Variants in LFNG observed in about 807,000 individuals in gnomAD.
LFNG encodes the protein LFNG O-fucosylpeptide 3-beta-N-acetylglucosaminyltransferase.
In LFNG, 15 loss-of-function variants were observed where a neutral mutation model predicts 32.7. That is an observed-to-expected ratio of 0.46 (90% CI 0.31 to 0.71). The LOEUF is 0.71. Among genes scored for constraint, LFNG ranks in the 30% least tolerant of loss-of-function variants. The pLI is 0.06. For synonymous variants in LFNG, 274 were observed against 246.8 expected (o/e 1.11, Z -1.03); for missense variants, 520 against 545.7 (o/e 0.95, Z 0.47).
upstream of LFNG, chr7:2,518,620 G>A (rs747276360): frequency 2.4e-5 from 38 of 1,609,398 alleles, no homozygotes; most frequent in Non-Finnish European, 3.1e-5. Flanking sequence ...GGCTCCAAGG[G>A]CACTTAAAGA....
Position 2,526,157 on chromosome 7 carries a change from G to A in LFNG, c.822-87G>A. On this transcript the variant is annotated intron_variant, in intron 5 of 7. Transcript: ENST00000222725. This position sits in a 1 kb window ranked among gnomAD's most constrained non-coding sequence, Gnocchi z 6.9. Reference sequence around the variant, plus strand: ...CTCAGGGCTCCTCTCCCTGAGGAGTGCAGCGCCTTTGCCTGGTGGGGCCTC... The same window carrying A: ...CTCAGGGCTCCTCTCCCTGAGGAGTACAGCGCCTTTGCCTGGTGGGGCCTC... 6.9e-7 allele frequency: 1 copy of A among 1,451,492 alleles called. No individual in the cohort carries two copies. The highest frequency in any genetic ancestry group is 2.3e-5 in the East Asian group (1 of 43,938). The allele number at this position is 1,451,492 out of a possible 1,614,324, so 89.9% of individuals were successfully genotyped here.
In LFNG at chr7:2,527,391, T is replaced by A. The variant is rs1780025734; in HGVS notation, c.*179T>A. 6.7e-7 allele frequency: 1 copy of A among 1,487,128 alleles called. No individual in the cohort carries two copies. Among genetic ancestry groups the A allele is most frequent in the Non-Finnish European group, 8.9e-7 (1 of 1,119,642 alleles). The allele number at this position is 1,487,128 out of a possible 1,614,324, so 92.1% of individuals were successfully genotyped here. On this transcript the variant is annotated 3_prime_UTR_variant, in exon 8 of 8. Coordinates refer to ENST00000222725, the MANE Select transcript of LFNG (RefSeq NM_001040167.2). This position sits in a 1 kb window ranked among gnomAD's most constrained non-coding sequence, Gnocchi z 4.4. ...CCCGGGTAGCAGGCTGCTGGGCAGT[T>A]CTGCTCTGTGGAGGGGCGGGCACCA... is the stretch of plus-strand genomic sequence containing the variant.
At chr7:2,525,998 C>T (rs567671275) in intron 5 of LFNG, among the ~76,000 whole-genome samples, 1 of 151,960 alleles carries the variant, frequency 6.6e-6, no homozygotes, top group East Asian at 2.0e-4. Flanking sequence ...ATGAGCACCC[C>T]AGGCACCATC....
At chr7:2,524,797 C>T (rs1048305274) in intron 2 of LFNG, 54 bp downstream of exon 2, 110 of 1,479,384 alleles carry the variant, frequency 7.4e-5, no homozygotes, top group Middle Eastern at 5.3e-4. Context: ...CAGAGCCGAA[C>T]GCTCCCCCTC....
chr7:2,513,213 T>G, upstream of LFNG: 1 of 1,612,916 alleles, frequency 6.2e-7, no homozygotes, highest in Non-Finnish European at 8.5e-7. Flanking sequence ...GATGAGCACA[T>G]GAAATGGATG....
Position 2,526,258 on chromosome 7 carries a change from T to C in LFNG, c.836T>C (p.Met279Thr). The C allele has an allele frequency of 1.2e-6, 2 of 1,613,022 alleles. No homozygotes were observed. The highest frequency in any genetic ancestry group is 1.7e-6 in the Non-Finnish European group (2 of 1,179,954). Residue 279 changes from methionine (M) to threonine (T), a missense_variant, in exon 6 of 8, where the codon ATG becomes ACG. By Grantham distance (81) the Met-to-Thr change is moderately conservative (BLOSUM62 -1). This residue lies in a region of LFNG where 150 missense variants were observed against 159.9 expected (regional missense o/e 0.94). Transcript: ENST00000222725. This position sits in a 1 kb window ranked among gnomAD's most constrained non-coding sequence, Gnocchi z 6.9. ...MSPWASGGHF[M>T]NTAERIRLPD... ...CCCTCCCGCAGCGGGGGTCACTTCA[T>C]GAATACGGCTGAGCGGATCCGGCTG...
chr7:2,525,824 G>A (rs1779953093), intron 5 of LFNG, 54 bp downstream of exon 5: 2 of 1,497,578 alleles, frequency 1.3e-6, no homozygotes, highest in Non-Finnish European at 1.8e-6. Flanking sequence ...TCGCCACTGT[G>A]GGGCCTGGCT....
chr7:2,518,567 G>T (rs753832525), upstream of LFNG: 22 of 1,522,480 alleles, frequency 1.4e-5, no homozygotes, highest in South Asian at 2.5e-4. Flanking sequence ...ACACCAGGTC[G>T]CTGCTGTCTT....
chr7:2,522,965 G>A (rs778040782), intron 1 of LFNG, among the ~76,000 whole-genome samples: 2 of 152,114 alleles, frequency 1.3e-5, no homozygotes, highest in African/African-American at 2.4e-5. Flanking sequence ...CTCAGGTGTC[G>A]GGAGACAGTT....
chr7:2,522,962 G>A (rs1779834868), intron 1 of LFNG, among the ~76,000 whole-genome samples: 1 of 152,148 alleles, frequency 6.6e-6, no homozygotes, highest in Non-Finnish European at 1.5e-5. Flanking sequence ...TGGCTCAGGT[G>A]TCGGGAGACA....
At position 2,520,041 on chromosome 7, in the gene LFNG, G is replaced by T; in HGVS notation, c.180G>T (p.Ala60=). 1 of 1,073,404 alleles carries T rather than the reference G, an allele frequency of 9.3e-7. No homozygotes were observed. 66.5% of individuals were successfully genotyped at this position (1,073,404 alleles called of 1,614,324 possible). Residue 60 remains alanine (A), a synonymous_variant, in exon 1 of 8, where the codon GCG becomes GCT. Coordinates refer to ENST00000222725, the MANE Select transcript of LFNG (RefSeq NM_001040167.2). The surrounding 1 kb of genome is among the most constrained non-coding windows in gnomAD (Gnocchi z 5.0). The stretch of plus-strand genomic sequence containing the variant: ...CCCCGGCGCCCGGGCTGGGGGCGGC[G>T]GCGGCGGCGCCCGGGGCGCTGGTCC... ...GAAPAPGLGA[A]AAAPGALVRD... is the part of the protein sequence containing the mutation.
Position 2,519,953 on chromosome 7 carries a change from C to T in LFNG, c.92C>T (p.Pro31Leu), listed in dbSNP as rs1182048081. Reference sequence around the variant, plus strand: ...GTGCTCACCGCCGACCCGCCGCCGCCTCCACTGCCCGCCGAGCGCGGCCGG... The same window carrying T: ...GTGCTCACCGCCGACCCGCCGCCGCTTCCACTGCCCGCCGAGCGCGGCCGG... ...LLVLTADPPPPPLPAERGRRA... is the reference protein window; with the variant it reads ...LLVLTADPPPLPLPAERGRRA... Residue 31 changes from proline to leucine, a missense_variant, in exon 1 of 8, where the codon CCT becomes CTT. By Grantham distance (98) the Pro-to-Leu change is moderately conservative. Transcript: ENST00000222725. The T allele has an allele frequency of 4.0e-6, 4 of 1,001,550 alleles. No homozygotes were observed. Among genetic ancestry groups the T allele is most frequent in the Admixed American group, 6.1e-5 (1 of 16,290 alleles). The allele number at this position is 1,001,550 out of a possible 1,614,324, so 62.0% of individuals were successfully genotyped here. A position where few individuals can be genotyped will look rare whatever the true frequency, so the allele number is the denominator to read the frequency against.
At chr7:2,513,084 G>A (rs1779530161), upstream of LFNG, 1 of 1,484,070 alleles carries the variant, frequency 6.7e-7, no homozygotes, top group African/African-American at 1.4e-5. Flanking sequence ...TCCCTCGTCT[G>A]GGCCCTGGGC....
upstream of LFNG, chr7:2,519,703 G>C (rs1779726314): frequency 7.3e-6 from 2 of 272,828 alleles, no homozygotes; most frequent in Non-Finnish European, 1.2e-5. Flanking sequence ...CCCGAGCCCG[G>C]GAGCCAATGA....
At position 2,525,205 on chromosome 7, in the gene LFNG, TC is replaced by T; in HGVS notation, c.482-10del. ...CCGGCTCAGACCTACTCACAGCCGC[TC>T]CCCTGTCCACAGGCAACGTGGTCAT... On this transcript the variant is annotated splice_polypyrimidine_tract_variant and intron_variant, in intron 2 of 7. Transcript: ENST00000222725. 1.2e-6 allele frequency: 2 copies of T among 1,611,412 alleles called. No homozygotes were observed. Among genetic ancestry groups the T allele is most frequent in the Non-Finnish European group, 1.7e-6 (2 of 1,178,950 alleles).
At chr7:2,517,010 T>G (rs1376277307), upstream of LFNG, among the ~76,000 whole-genome samples, 1 of 151,842 alleles carries the variant, frequency 6.6e-6, no homozygotes, top group Admixed American at 6.6e-5. Flanking sequence ...GGCAACTCGG[T>G]CAGCCCTCTC....
upstream of LFNG, chr7:2,513,247 A>AGATGGATG (rs34637446): frequency 1.6e-3 from 2,598 of 1,584,274 alleles, 6 homozygotes; most frequent in Middle Eastern, 0.013. Flanking sequence ...ACAGATGGAC[A>AGATGGATG]GATGGATGGA....
chr7:2,512,584 G>C, exon 1 of LFNG: 1 of 1,383,602 alleles, frequency 7.2e-7, no homozygotes, highest in Non-Finnish European at 1.0e-6. Context: ...GGAGGACAGA[G>C]GCCAAGGCGG....
At position 2,528,402 on chromosome 7, in the gene LFNG, C is replaced by T; in HGVS notation, c.*1190C>T. On this transcript the variant is annotated 3_prime_UTR_variant, in exon 8 of 8. Coordinates refer to ENST00000222725, the MANE Select transcript of LFNG (RefSeq NM_001040167.2). ...TTGTTGCTATGGTGACGTCCTTTTG[C>T]TGTGAATAAAGGTGCTCTTTGCAGC... 1.0e-6 allele frequency: 1 copy of T among 987,554 alleles called. No individual in the cohort carries two copies. Among genetic ancestry groups the T allele is most frequent in the Non-Finnish European group, 1.2e-6 (1 of 830,870 alleles). The allele number at this position is 987,554 out of a possible 1,614,324, so 61.2% of individuals were successfully genotyped here. A position where few individuals can be genotyped will look rare whatever the true frequency, so the allele number is the denominator to read the frequency against.
Sources: gnomAD v4.1 joint callset for allele counts (sites outside exome capture counted in the v4.1 genomes callset) on GRCh38, gnomAD v4.1.1 for gene constraint, gnomAD v4.1.1 regional missense constraint, Gnocchi (gnomAD v3.1) non-coding constraint, MANE v1.5 for transcripts, NCBI Gene and HGNC (gene_info 2026-07-23, HGNC 2026-07-21) for gene names.